NEK10: variants seen among roughly 807,000 people sequenced by gnomAD.
The protein encoded by NEK10 is NIMA related kinase 10.
Under a neutral mutation model 159.8 loss-of-function variants are expected in NEK10, and 122 were observed. The ratio of observed to expected loss-of-function variants is 0.76; its 90% CI spans 0.66 to 0.89. The LOEUF (loss-of-function observed/expected upper bound fraction) is 0.89. Ranked by LOEUF, NEK10 falls within the 40% of genes least tolerant of loss-of-function variation. The pLI, the probability that NEK10 is intolerant of heterozygous loss-of-function variation, is 0.00. For missense variants in NEK10, 1,342 were observed against 1,323.1 expected (o/e 1.01, Z -0.22); for synonymous variants, 466 against 457.1 (o/e 1.02, Z -0.25).
intron 31 of NEK10, among the ~76,000 whole-genome samples, chr3:27,136,050 A>G (rs1284979764): frequency 5.3e-5 from 8 of 152,002 alleles, no homozygotes; most frequent in Admixed American, 3.3e-4. Flanking sequence ...TTGTGAAGAC[A>G]AACAATTCAA....
intron 5 of NEK10, among the ~76,000 whole-genome samples, chr3:27,339,070 CAAGGAACT>C (rs551600859): frequency 1.0e-3 from 159 of 152,208 alleles, no homozygotes; most frequent in African/African-American, 3.8e-3. Context: ...CCAAAATATA[CAAGGAACT>C]CAAACAGCTC....
intron 22 of NEK10, among the ~76,000 whole-genome samples, chr3:27,280,176 G>C (rs1373951401): frequency 1.3e-5 from 2 of 151,702 alleles, no homozygotes; most frequent in Non-Finnish European, 2.9e-5. Context: ...AATGAGAATG[G>C]GCTTGGCAAC....
At chr3:27,189,417 T>C (rs1400559701) in intron 26 of NEK10, among the ~76,000 whole-genome samples, 1 of 152,110 alleles carries the variant, frequency 6.6e-6, no homozygotes, top group Non-Finnish European at 1.5e-5. Flanking sequence ...ATCCCCTTAT[T>C]GATATTGGGA....
intron 9 of NEK10, chr3:27,309,642 G>A (rs971142438): frequency 2.6e-5 from 4 of 152,086 alleles, no homozygotes; most frequent in Admixed American, 2.0e-4. Flanking sequence ...TCCCACGCTG[G>A]GAAGAACCAG....
chr3:27,200,231 T>TA (rs1460682410), intron 25 of NEK10, among the ~76,000 whole-genome samples: 2 of 152,134 alleles, frequency 1.3e-5, no homozygotes, highest in Admixed American at 1.3e-4. Context: ...AACAATGGGC[T>TA]AGAAGGATAA....
At chr3:27,157,819 A>G (rs1199733029) in intron 30 of NEK10, among the ~76,000 whole-genome samples, 2 of 152,160 alleles carry the variant, frequency 1.3e-5, no homozygotes, top group Non-Finnish European at 2.9e-5. Context: ...CAAAATTGCT[A>G]CAACCACCCC....
At chr3:27,152,585 A>G (rs903179261) in intron 30 of NEK10, among the ~76,000 whole-genome samples, 1 of 152,272 alleles carries the variant, frequency 6.6e-6, no homozygotes, top group African/African-American at 2.4e-5. Flanking sequence ...TACAAGTTAA[A>G]AAGCAAAACC....
At position 27,240,802 on chromosome 3, in the gene NEK10, C is replaced by G. The variant is rs566909468; in HGVS notation, c.2090+15494G>C. On this transcript the variant is annotated intron_variant, in intron 23 of 35. Coordinates refer to ENST00000691995, the MANE Select transcript of NEK10 (RefSeq NM_001394966.1). ...GAGTAGATGAGATTAAAGGTGTGCA[C>G]CACCACGCCTGGCTAATTTTTGTAT... Among the ~76,000 whole-genome samples the G allele has an allele frequency of 2.6e-3, 403 of 152,166 alleles. 2 individuals carry two copies. The highest frequency in any genetic ancestry group is 3.9e-3 in the Non-Finnish European group (266 of 67,998).
intron 5 of NEK10, among the ~76,000 whole-genome samples, chr3:27,328,644 T>C (rs1270279663): frequency 6.6e-6 from 1 of 152,196 alleles, no homozygotes; most frequent in African/African-American, 2.4e-5. Context: ...AACAGGGCCT[T>C]TGGATTTTTT....
intron 30 of NEK10, chr3:27,162,402 C>G: frequency 1.3e-6 from 2 of 1,592,104 alleles, no homozygotes; most frequent in Non-Finnish European, 1.7e-6. Flanking sequence ...TCAGGCCCAA[C>G]TATAATTCTG....
At chr3:27,334,700 C>A (rs1575798072) in intron 5 of NEK10, among the ~76,000 whole-genome samples, 1 of 152,240 alleles carries the variant, frequency 6.6e-6, no homozygotes, top group East Asian at 1.9e-4. Flanking sequence ...AACCAAAGTA[C>A]CCTACCCAAC....
chr3:27,308,000 T>C (rs894450130), intron 10 of NEK10, 55 bp from the exon 11 acceptor site: 1 of 848,338 alleles, frequency 1.2e-6, no homozygotes, highest in East Asian at 2.5e-5. Flanking sequence ...TAGATCCATG[T>C]ATTAGTCCTT....
At chr3:27,266,222 GT>G (rs1423298504) in intron 22 of NEK10, among the ~76,000 whole-genome samples, 3 of 152,140 alleles carry the variant, frequency 2.0e-5, no homozygotes, top group Non-Finnish European at 2.9e-5. Flanking sequence ...TATTTTACAT[GT>G]TATGGCTTTG....
intron 19 of NEK10, among the ~76,000 whole-genome samples, chr3:27,289,504 G>C (rs113725660): frequency 2.0e-5 from 3 of 152,144 alleles, no homozygotes; most frequent in Admixed American, 1.3e-4. Flanking sequence ...CTTTTCTTAG[G>C]AAATGTGCTA....
In NEK10 at chr3:27,202,527, C is replaced by G; in HGVS notation, c.2121G>C (p.Gly707=). Residue 707 remains glycine (G), a synonymous_variant, in exon 24 of 36, where the codon GGG becomes GGC. Coordinates refer to ENST00000691995, the MANE Select transcript of NEK10 (RefSeq NM_001394966.1). ...CPEVLKSEPY[G]EKADVWAVGC... ...CTACTGCCCAGACATCAGCCTTCTCCCCATACGGCTCACTCTTCAGTACCT... is the reference window on the plus strand; with the variant it reads ...CTACTGCCCAGACATCAGCCTTCTCGCCATACGGCTCACTCTTCAGTACCT... 6.2e-7 allele frequency: 1 copy of G among 1,612,092 alleles called. No individual in the cohort carries two copies. The highest frequency in any genetic ancestry group is 8.5e-7 in the Non-Finnish European group (1 of 1,178,904).
intron 23 of NEK10, among the ~76,000 whole-genome samples, chr3:27,252,001 A>G (rs1955719739): frequency 6.6e-6 from 1 of 152,216 alleles, no homozygotes; most frequent in African/African-American, 2.4e-5. Context: ...CTAGAACTCA[A>G]TAAAAATATA....
At chr3:27,271,149 TTCTATCTATCTATCTATCTA>T (rs72089289) in intron 22 of NEK10, among the ~76,000 whole-genome samples, 2 of 148,056 alleles carry the variant, frequency 1.4e-5, no homozygotes, top group Non-Finnish European at 3.0e-5. Context: ...TCTATCTATC[TTCTATCTATCTATCTATCTA>T]TCTATCTATC....
chr3:27,233,995 A>G (rs1227722076), intron 23 of NEK10, among the ~76,000 whole-genome samples: 4 of 152,158 alleles, frequency 2.6e-5, no homozygotes, highest in Non-Finnish European at 2.9e-5. Context: ...GATTCATTAC[A>G]TAAAGAGAAC....
chr3:27,328,221 C>A (rs1302569824), intron 5 of NEK10, among the ~76,000 whole-genome samples: 3 of 152,088 alleles, frequency 2.0e-5, no homozygotes, highest in Non-Finnish European at 4.4e-5. Flanking sequence ...TGTGATCAGC[C>A]AAGTACTGTT....
Sources: gnomAD v4.1 joint callset for allele counts (sites outside exome capture counted in the v4.1 genomes callset) on GRCh38, gnomAD v4.1.1 for gene constraint, MANE v1.5 for transcripts, NCBI Gene and HGNC (gene_info 2026-07-23, HGNC 2026-07-21) for gene names.